NDUFAF6: variants seen among roughly 807,000 people sequenced by gnomAD.
NDUFAF6 encodes NADH:ubiquinone oxidoreductase complex assembly factor 6, also known as NADH dehydrogenase (ubiquinone) complex I, assembly factor 6.
Under a neutral mutation model 40.8 loss-of-function variants are expected in NDUFAF6, and 45 were observed. The ratio of observed to expected loss-of-function variants is 1.10; its 90% CI spans 0.87 to 1.42. NDUFAF6 has a LOEUF of 1.42. Among genes scored for constraint, NDUFAF6 ranks in the 40% most tolerant of loss-of-function variants. The pLI, the probability that NDUFAF6 is intolerant of heterozygous loss-of-function variation, is 0.00. For synonymous variants in NDUFAF6, 185 were observed against 155.9 expected, an observed-to-expected ratio of 1.19 and a Z score of -1.39; for missense variants, 435 against 418.5, an observed-to-expected ratio of 1.04 and a Z score of -0.34.
chr8:95,009,041 GA>G (rs1024194652), intron 2 of NDUFAF6, among the ~76,000 whole-genome samples: 20 of 150,582 alleles, frequency 1.3e-4, no homozygotes, highest in Non-Finnish European at 2.2e-4. Flanking sequence ...TACCAAAAAA[GA>G]AAAAAAAATT....
chr8:95,095,884 C>T (rs1322970180), upstream of NDUFAF6, among the ~76,000 whole-genome samples: 7 of 152,068 alleles, frequency 4.6e-5, no homozygotes, highest in Admixed American at 1.3e-4. Context: ...AGGCTAGTCT[C>T]GAACTCCTGG....
At chr8:95,051,477 GAAGT>G (rs1448153722) in intron 7 of NDUFAF6, among the ~76,000 whole-genome samples, 1 of 152,180 alleles carries the variant, frequency 6.6e-6, no homozygotes, top group African/African-American at 2.4e-5. Context: ...AATGGGTTAA[GAAGT>G]AAGTCAGGAA....
chr8:94,967,910 TAGCCTTTGCGACAG>T (rs142969340), intron 1 of NDUFAF6, among the ~76,000 whole-genome samples: 1,946 of 149,130 alleles, frequency 0.013, 44 homozygotes, highest in African/African-American at 0.046. Flanking sequence ...CATTGTACAC[TAGCCTTTGCGACAG>T]AGCGAGACTC....
intron 2 of NDUFAF6, among the ~76,000 whole-genome samples, chr8:94,990,532 A>G (rs558953824): frequency 1.4e-4 from 22 of 152,308 alleles, no homozygotes; most frequent in Non-Finnish European, 3.1e-4. Context: ...CCAAAAAAAA[A>G]ATCCTTGTCA....
intron 1 of NDUFAF6, among the ~76,000 whole-genome samples, chr8:94,964,306 G>A (rs1359287965): frequency 6.6e-6 from 1 of 151,948 alleles, no homozygotes. Flanking sequence ...GCACATGCCT[G>A]TAGTCCCAGC....
intron 9 of NDUFAF6, among the ~76,000 whole-genome samples, chr8:95,073,752 A>C (rs1384389071): frequency 2.6e-5 from 4 of 152,214 alleles, no homozygotes; most frequent in African/African-American, 9.6e-5. Context: ...CAAGGAATGC[A>C]GTCAGCAAAG....
chr8:94,952,784 C>T (rs1822731795), intron 2 of NDUFAF6, among the ~76,000 whole-genome samples: 1 of 152,200 alleles, frequency 6.6e-6, no homozygotes, highest in South Asian at 2.1e-4. Flanking sequence ...TTTTGTTTAA[C>T]CCTATTTCCA....
At chr8:95,112,366 T>C (rs1810020942) in intron 4 of NDUFAF6, among the ~76,000 whole-genome samples, 1 of 152,070 alleles carries the variant, frequency 6.6e-6, no homozygotes, top group Non-Finnish European at 1.5e-5. Flanking sequence ...CAGGTGTCCT[T>C]ATAAGAGAAA....
chr8:94,947,003 A>G (rs778161414), intron 2 of NDUFAF6, among the ~76,000 whole-genome samples: 21 of 152,148 alleles, frequency 1.4e-4, no homozygotes, highest in Non-Finnish European at 2.9e-4. Context: ...TAGAGCTACA[A>G]TTTACAGAAT....
chr8:95,083,459 T>C (rs1219361157), intron 2 of NDUFAF6, among the ~76,000 whole-genome samples: 1 of 152,250 alleles, frequency 6.6e-6, no homozygotes, highest in Non-Finnish European at 1.5e-5. Context: ...TATTCTTGAA[T>C]GTTAATTTTA....
chr8:94,952,934 G>A (rs115650406), intron 2 of NDUFAF6, among the ~76,000 whole-genome samples: 5,092 of 152,314 alleles, frequency 0.033, 152 homozygotes, highest in African/African-American at 0.079. Flanking sequence ...GATAGCCTGC[G>A]CTGGATTGTA....
At chr8:94,944,044 G>A (rs997526297) in intron 1 of NDUFAF6, among the ~76,000 whole-genome samples, 2 of 152,218 alleles carry the variant, frequency 1.3e-5, no homozygotes, top group Non-Finnish European at 2.9e-5. Context: ...CATGCTTAGA[G>A]GGAAAAACAT....
intron 1 of NDUFAF6, among the ~76,000 whole-genome samples, chr8:94,938,303 AT>A (rs1236474330): frequency 6.6e-6 from 1 of 152,212 alleles, no homozygotes; most frequent in East Asian, 1.9e-4. Flanking sequence ...TTGTGCCAGT[AT>A]TTTTTGAGTT....
chr8:94,949,091 C>A (rs972651172), intron 2 of NDUFAF6: 1 of 148,212 alleles, frequency 6.7e-6, no homozygotes, highest in African/African-American at 2.4e-5. Context: ...GGCAGCGCTG[C>A]GGCCCCAACC....
upstream of NDUFAF6, among the ~76,000 whole-genome samples, chr8:95,097,424 G>A (rs911038810): frequency 2.6e-5 from 4 of 152,208 alleles, no homozygotes; most frequent in Non-Finnish European, 4.4e-5. Context: ...TTGGCCGGGC[G>A]CAGCGGCTCA....
In NDUFAF6 at chr8:95,039,463, A is replaced by C. The variant is rs10102806; in HGVS notation, c.421-2107A>C. On this transcript the variant is annotated intron_variant, in intron 3 of 8. Transcript: ENST00000396124. Reference sequence around the variant, plus strand: ...CGAGACTCTGTCTCAAAAAAAAAAAAGGGGGGGTTTCACTGTGTTGCCCAG... The same window carrying C: ...CGAGACTCTGTCTCAAAAAAAAAAACGGGGGGGTTTCACTGTGTTGCCCAG... Among the ~76,000 whole-genome samples the C allele has an allele frequency of 7.5e-3, 1,112 of 149,172 alleles. 17 individuals carry two copies. The highest frequency in any genetic ancestry group is 0.026 in the African/African-American group (1,048 of 40,100).
At chr8:94,981,657 AC>A (rs1825449919) in intron 2 of NDUFAF6, among the ~76,000 whole-genome samples, 1 of 152,152 alleles carries the variant, frequency 6.6e-6, no homozygotes. Context: ...GACACTGATA[AC>A]CAAAACAGGT....
At chr8:94,979,888 A>G (rs529714050) in intron 1 of NDUFAF6, among the ~76,000 whole-genome samples, 2 of 152,362 alleles carry the variant, frequency 1.3e-5, no homozygotes, top group Admixed American at 6.5e-5. Flanking sequence ...TGAGGCCAGT[A>G]GTTCAAGACC....
At chr8:94,925,378 A>T (rs1161284413) in intron 1 of NDUFAF6, among the ~76,000 whole-genome samples, 1 of 152,138 alleles carries the variant, frequency 6.6e-6, no homozygotes, top group African/African-American at 2.4e-5. Context: ...ATCTCCATTC[A>T]TTTGGGAGAA....
Sources: allele counts gnomAD v4.1 joint callset (sites outside exome capture counted in the v4.1 genomes callset), GRCh38; gene constraint gnomAD v4.1.1; transcripts MANE v1.5; gene names NCBI Gene and HGNC (gene_info 2026-07-23, HGNC 2026-07-21).